The following PAFAH2 variants were observed in gnomAD, a reference collection of about 807,000 sequenced individuals.
PAFAH2 encodes the protein platelet activating factor acetylhydrolase 2, also known as platelet-activating factor acetylhydrolase 2, cytoplasmic.
In PAFAH2, 42 loss-of-function variants were observed where a neutral mutation model predicts 49.0. The observed-to-expected ratio is 0.86, with a 90% CI of 0.67 to 1.11. The LOEUF (loss-of-function observed/expected upper bound fraction) is 1.11. Ranked by LOEUF, PAFAH2 falls within the 50% of genes least tolerant of loss-of-function variation. PAFAH2 has a pLI of 0.00. For synonymous variants in PAFAH2, 184 were observed against 181.3 expected, an observed-to-expected ratio of 1.01 and a Z score of -0.12; for missense variants, 503 against 501.8, an observed-to-expected ratio of 1.00 and a Z score of -0.02.
intron 7 of PAFAH2, among the ~76,000 whole-genome samples, chr1:25,978,593 T>G (rs1231813812): frequency 6.6e-6 from 1 of 152,220 alleles, no homozygotes; most frequent in Admixed American, 6.5e-5. Context: ...GCCAACAGAA[T>G]GTGAGCAAAA....
intron 4 of PAFAH2, among the ~76,000 whole-genome samples, chr1:25,986,314 G>A (rs986264651): frequency 1.3e-5 from 2 of 152,156 alleles, no homozygotes; most frequent in South Asian, 2.1e-4. Context: ...AGAGCAGAAC[G>A]GTGAATAGTC....
At chr1:25,995,836 T>C (rs2049929507) in intron 1 of PAFAH2, among the ~76,000 whole-genome samples, 1 of 152,210 alleles carries the variant, frequency 6.6e-6, no homozygotes, top group South Asian at 2.1e-4. Context: ...CTGCATGCTT[T>C]CCCCATATAG....
At chr1:25,981,433 C>T (rs894040785) in intron 7 of PAFAH2, among the ~76,000 whole-genome samples, 3 of 152,000 alleles carry the variant, frequency 2.0e-5, no homozygotes, top group African/African-American at 7.3e-5. Context: ...ATTCCATGGC[C>T]AGGATGGTTT....
At chr1:25,992,731 C>T (rs990110567) in intron 1 of PAFAH2, among the ~76,000 whole-genome samples, 1 of 152,198 alleles carries the variant, frequency 6.6e-6, no homozygotes, top group Non-Finnish European at 1.5e-5. Flanking sequence ...TGTCAAACTT[C>T]CCAGTGTCCC....
At chr1:25,985,977 T>C (rs1288736355) in intron 4 of PAFAH2, among the ~76,000 whole-genome samples, 1 of 152,230 alleles carries the variant, frequency 6.6e-6, no homozygotes, top group Non-Finnish European at 1.5e-5. Context: ...ATTCATTCAA[T>C]AAATACTTAT....
intron 8 of PAFAH2, among the ~76,000 whole-genome samples, chr1:25,974,972 T>C (rs1374365501): frequency 5.9e-5 from 9 of 152,320 alleles, no homozygotes; most frequent in Admixed American, 2.0e-4. Flanking sequence ...TCAACATTCA[T>C]TGAGTGTCTA....
At chr1:25,984,191 T>G in intron 5 of PAFAH2, 104 bp from the exon 6 acceptor site, 1 of 1,363,474 alleles carries the variant, frequency 7.3e-7, no homozygotes, top group East Asian at 2.3e-5. Context: ...AGATCACCCT[T>G]TGGCTAGTAG....
intron 10 of PAFAH2, among the ~76,000 whole-genome samples, chr1:25,963,641 C>T (rs1308534361): frequency 5.9e-5 from 9 of 152,144 alleles, no homozygotes; most frequent in African/African-American, 7.2e-5. Context: ...GTAGCTGGGA[C>T]TACAGGCATG....
At chr1:25,996,784 C>A (rs190245214) in intron 1 of PAFAH2, among the ~76,000 whole-genome samples, 1 of 152,172 alleles carries the variant, frequency 6.6e-6, no homozygotes, top group Non-Finnish European at 1.5e-5. Flanking sequence ...GTTCCTTATA[C>A]GTAAAATGGA....
rs1464727203 is a variant in PAFAH2 at position 25,982,363 on chromosome 1, C to T, written c.666+1G>A. ...CTAGGTCATACCAATTGCTTCCATA[C>T]CTTCAAAGTCATCAGATCCAAGCCA... On this transcript the variant is annotated splice_donor_variant, in intron 7 of 10. Coordinates refer to ENST00000374282, the MANE Select transcript of PAFAH2 (RefSeq NM_000437.4). LOFTEE classifies it high-confidence loss of function. 1.2e-6 allele frequency: 2 copies of T among 1,610,280 alleles called. No homozygotes were observed. Among genetic ancestry groups the T allele is most frequent in the African/African-American group, 1.3e-5 (1 of 74,940 alleles).
At chr1:25,988,806 CAAAAAAAAAA>C (rs59169423) in intron 3 of PAFAH2, among the ~76,000 whole-genome samples, 16 of 54,344 alleles carry the variant, frequency 2.9e-4, no homozygotes, top group South Asian at 8.5e-4. Context: ...TCCATCTCAC[CAAAAAAAAAA>C]AAAAAAAAAA....
At chr1:25,970,748 G>C (rs2049494103) in intron 10 of PAFAH2, among the ~76,000 whole-genome samples, 5 of 151,952 alleles carry the variant, frequency 3.3e-5, no homozygotes, top group Admixed American at 3.3e-4. Context: ...ACCATACCTG[G>C]CTAATTTTAT....
chr1:25,974,641 C>T lies in PAFAH2; in HGVS notation c.768G>A (p.Val256=). The change falls in exon 9 of 11, where the codon GTG becomes GTA. Residue 256 remains valine (V), a synonymous_variant. Coordinates refer to ENST00000374282, the MANE Select transcript of PAFAH2 (RefSeq NM_000437.4). ...LAKETQFRCA[V]ALDAWMFPLE... ...GAGGAAACATCCAAGCATCCAGAGC[C>T]ACCGCACACCTGGAATAGGACCAGA... 6.2e-7 allele frequency: 1 copy of T among 1,613,298 alleles called. No individual in the cohort carries two copies. The highest frequency in any genetic ancestry group is 8.5e-7 in the Non-Finnish European group (1 of 1,179,586).
At chr1:25,991,475 G>T (rs564335420) in intron 1 of PAFAH2, among the ~76,000 whole-genome samples, 3 of 151,322 alleles carry the variant, frequency 2.0e-5, no homozygotes, top group African/African-American at 7.3e-5. Context: ...GTAGAGACGG[G>T]GTTTCGCCAT....
At chr1:25,962,106 C>A (rs1293092340) in intron 10 of PAFAH2, 23 bp from the exon 11 acceptor site, 1 of 1,574,992 alleles carries the variant, frequency 6.3e-7, no homozygotes, top group Non-Finnish European at 8.7e-7. Context: ...AAAACAGGAA[C>A]ATTAGGCAAA....
chr1:25,967,163 C>A (rs1490049899), intron 10 of PAFAH2, among the ~76,000 whole-genome samples: 2 of 151,580 alleles, frequency 1.3e-5, no homozygotes, highest in African/African-American at 4.9e-5. Context: ...GGGGTGGTGA[C>A]AAGTGATTCA....
intron 10 of PAFAH2, among the ~76,000 whole-genome samples, chr1:25,963,898 T>C (rs909235374): frequency 2.4e-4 from 36 of 152,018 alleles, no homozygotes; most frequent in African/African-American, 8.7e-4. Flanking sequence ...CACGAGACTA[T>C]CTGAGAGGAA....
At chr1:25,991,038 GTTGT>G (rs2049865376) in intron 1 of PAFAH2, 175 bp from the exon 2 acceptor site, 1 of 499,302 alleles carries the variant, frequency 2.0e-6, no homozygotes, top group South Asian at 2.5e-5. Flanking sequence ...AAGGTTGGGG[GTTGT>G]TTTTTATTTT....
At chr1:25,966,948 C>A (rs1007645777) in intron 10 of PAFAH2, among the ~76,000 whole-genome samples, 1 of 146,874 alleles carries the variant, frequency 6.8e-6, no homozygotes, top group Non-Finnish European at 1.5e-5. Context: ...AGGAGAATGG[C>A]GTGAACCTGG....
Sources: allele counts gnomAD v4.1 joint callset (sites outside exome capture counted in the v4.1 genomes callset), GRCh38; gene constraint gnomAD v4.1.1; transcripts MANE v1.5; gene names NCBI Gene and HGNC (gene_info 2026-07-23, HGNC 2026-07-21).